The following N4BP2 variants were observed in gnomAD, a reference collection of about 807,000 sequenced individuals.
The protein encoded by N4BP2 is NEDD4-binding protein 2.
A neutral mutation model predicts 152.8 loss-of-function variants in N4BP2; 91 were observed. The ratio of observed to expected loss-of-function variants is 0.60; its 90% CI spans 0.50 to 0.71. The LOEUF (loss-of-function observed/expected upper bound fraction) is 0.71, where lower values mean the gene tolerates loss of function less well. Among genes scored for constraint, N4BP2 ranks in the 30% least tolerant of loss-of-function variants. The pLI is 0.00. For missense variants in N4BP2, 1,923 were observed against 2,059.1 expected (o/e 0.93, Z 1.28); for synonymous variants, 646 against 705.3 (o/e 0.92, Z 1.33).
In N4BP2 at chr4:40,121,524, T is replaced by G; in HGVS notation, c.3413T>G (p.Phe1138Cys). 6.2e-7 allele frequency: 1 copy of G among 1,614,176 alleles called. No individual in the cohort carries two copies. Among genetic ancestry groups the G allele is most frequent in the Non-Finnish European group, 8.5e-7 (1 of 1,180,012 alleles). Residue 1138 changes from phenylalanine to cysteine, a missense_variant, in exon 9 of 18, where the codon TTT becomes TGT. Physicochemically the swap from Phe to Cys is radical, Grantham distance 205 (BLOSUM62 -2). Coordinates refer to ENST00000261435, the MANE Select transcript of N4BP2 (RefSeq NM_018177.6). The part of the protein sequence containing the change: ...SETKLCEDTE[F>C]ENFQKSCDGS... Reference sequence around the variant, plus strand: ...ACTAAGTTATGTGAGGATACAGAGTTTGAGAATTTCCAAAAATCGTGTGAT... The same window carrying G: ...ACTAAGTTATGTGAGGATACAGAGTGTGAGAATTTCCAAAAATCGTGTGAT...
intron 1 of N4BP2, among the ~76,000 whole-genome samples, chr4:40,059,642 G>A (rs1733498784): frequency 1.3e-5 from 2 of 150,920 alleles, no homozygotes; most frequent in South Asian, 4.1e-4. Flanking sequence ...GAGCCACCCC[G>A]CCTGGCCTTA....
intron 2 of N4BP2, among the ~76,000 whole-genome samples, chr4:40,085,234 G>A (rs1238420632): frequency 6.6e-6 from 1 of 151,514 alleles, no homozygotes; most frequent in Non-Finnish European, 1.5e-5. Flanking sequence ...AGTAGAGATG[G>A]GGTTTGGCCA....
At chr4:40,107,081 C>T in intron 5 of N4BP2, 57 bp downstream of exon 5, 1 of 1,560,672 alleles carries the variant, frequency 6.4e-7, no homozygotes, top group Non-Finnish European at 8.8e-7. Context: ...AGAAAAAATT[C>T]ACTTAGTATT....
chr4:40,084,948 T>C (rs1401021582), intron 2 of N4BP2, among the ~76,000 whole-genome samples: 1 of 141,200 alleles, frequency 7.1e-6, no homozygotes, highest in Non-Finnish European at 1.5e-5. Context: ...AGTCTCGCTG[T>C]GTCGCCCAGG....
At chr4:40,085,471 T>G (rs1210552420) in intron 2 of N4BP2, among the ~76,000 whole-genome samples, 1 of 152,190 alleles carries the variant, frequency 6.6e-6, no homozygotes, top group Non-Finnish European at 1.5e-5. Context: ...ATTCTTTTTC[T>G]TAAGAGATGG....
intron 1 of N4BP2, among the ~76,000 whole-genome samples, chr4:40,058,558 A>C (rs1351432693): frequency 6.6e-6 from 1 of 152,218 alleles, no homozygotes; most frequent in East Asian, 1.9e-4. Context: ...AGAATAAAGC[A>C]GTTGAAATCA....
chr4:40,080,310 G>GTATATATATA (rs140955860), intron 2 of N4BP2, among the ~76,000 whole-genome samples: 25 of 147,104 alleles, frequency 1.7e-4, no homozygotes, highest in Non-Finnish European at 3.3e-4. Flanking sequence ...AGTGTGAGCT[G>GTATATATATA]TATATATATA....
At chr4:40,072,600 C>T (rs907273163) in intron 1 of N4BP2, among the ~76,000 whole-genome samples, 3 of 151,860 alleles carry the variant, frequency 2.0e-5, no homozygotes, top group Non-Finnish European at 4.4e-5. Context: ...GTTGCCCTGG[C>T]TGGTCTCCAA....
At chr4:40,059,077 T>A (rs1024669684) in intron 1 of N4BP2, among the ~76,000 whole-genome samples, 1 of 152,110 alleles carries the variant, frequency 6.6e-6, no homozygotes, top group Admixed American at 6.6e-5. Flanking sequence ...TGCCTCCGCC[T>A]CCCAAAGTGC....
Position 40,126,150 on chromosome 4 carries a change from A to C in N4BP2, c.4347A>C (p.Gly1449=). 1 of 1,589,884 alleles carries C rather than the reference A, an allele frequency of 6.3e-7. No individual in the cohort carries two copies. Among genetic ancestry groups the C allele is most frequent in the Non-Finnish European group, 8.5e-7 (1 of 1,171,784 alleles). The change falls in exon 12 of 18, where the codon GGA becomes GGC. Residue 1449 remains glycine (G), a synonymous_variant. Coordinates refer to ENST00000261435, the MANE Select transcript of N4BP2 (RefSeq NM_018177.6). The stretch of plus-strand genomic sequence containing the variant: ...ACTTTGTAGATCCTTCCTTGGTTGG[A>C]CATACTGGGCTTGATAATCCTGAAC... ...GKFMQDPSLV[G]HTGLDNPEQK... is the part of the protein sequence containing the mutation.
rs1432336369 is a variant in N4BP2 at position 40,097,305 on chromosome 4, T to A, written c.-36T>A. ...TGACTTAAATGTCAAACATCTTAAC[T>A]AAGAAAAGGGAAACATTTTAGTTTT... On this transcript the variant is annotated 5_prime_UTR_variant, in exon 3 of 18. Coordinates refer to ENST00000261435, the MANE Select transcript of N4BP2 (RefSeq NM_018177.6). The A allele has an allele frequency of 5.1e-6, 8 of 1,567,322 alleles. No homozygotes were observed. Among genetic ancestry groups the A allele is most frequent in the Non-Finnish European group, 7.0e-6 (8 of 1,139,072 alleles).
chr4:40,148,323 C>G (rs1041785305), intron 16 of N4BP2, among the ~76,000 whole-genome samples: 1 of 152,222 alleles, frequency 6.6e-6, no homozygotes, highest in African/African-American at 2.4e-5. Context: ...TGGCGGCGCG[C>G]GCCTGCAATC....
chr4:40,069,373 G>C (rs1279646822), intron 1 of N4BP2, among the ~76,000 whole-genome samples: 2 of 152,108 alleles, frequency 1.3e-5, no homozygotes, highest in Non-Finnish European at 2.9e-5. Flanking sequence ...GGGAGGTGGA[G>C]CCAAGATTGC....
At chr4:40,111,924 C>G (rs192285933) in intron 5 of N4BP2, among the ~76,000 whole-genome samples, 160 bp from the exon 6 acceptor site, 1 of 152,284 alleles carries the variant, frequency 6.6e-6, no homozygotes, top group Non-Finnish European at 1.5e-5. Flanking sequence ...CCAACCCATA[C>G]TTACTTAATT....
the N4BP2 span, among the ~76,000 whole-genome samples, chr4:40,190,258 G>GC: frequency 6.6e-6 from 1 of 152,188 alleles, no homozygotes; most frequent in Non-Finnish European, 1.5e-5. Flanking sequence ...AAGTATTATA[G>GC]CAAGTGTTCA....
chr4:40,063,985 G>A (rs540001151), intron 1 of N4BP2, among the ~76,000 whole-genome samples: 15 of 151,512 alleles, frequency 9.9e-5, no homozygotes, highest in Non-Finnish European at 1.6e-4. Context: ...GGGCGGCAGG[G>A]GGGGGTCTCA....
chr4:40,129,864 CATAAT>C (rs1319327438), intron 12 of N4BP2, among the ~76,000 whole-genome samples: 2 of 152,002 alleles, frequency 1.3e-5, no homozygotes, highest in Non-Finnish European at 2.9e-5. Context: ...TAACTTTAGA[CATAAT>C]ATATGAATAG....
chr4:40,092,013 TA>T lies in N4BP2; in HGVS notation c.-114-5213del, dbSNP rs1714635371. The stretch of plus-strand genomic sequence containing the variant: ...AAAAAAAAAAAAAAAAAAAATTATA[TA>T]TATATATATATATATATATATATAT... On this transcript the variant is annotated intron_variant, in intron 2 of 17. Transcript: ENST00000261435. Among the ~76,000 whole-genome samples, 87 of 54,122 alleles carry T rather than the reference TA, an allele frequency of 1.6e-3. 1 individual carries two copies. The highest frequency in any genetic ancestry group is 3.1e-3 in the Admixed American group (15 of 4,790). 35.5% of individuals were successfully genotyped at this position (54,122 alleles called of 152,430 possible).
the N4BP2 span, chr4:40,167,792 A>G: frequency 6.6e-6 from 1 of 152,222 alleles, no homozygotes; most frequent in Non-Finnish European, 1.5e-5. Flanking sequence ...ATGACTGAAA[A>G]TGTGTACTAT....
Sources: gnomAD v4.1 joint callset for allele counts (sites outside exome capture counted in the v4.1 genomes callset) on GRCh38, gnomAD v4.1.1 for gene constraint, MANE v1.5 for transcripts, NCBI Gene and HGNC (gene_info 2026-07-23, HGNC 2026-07-21) for gene names.